BAZ2B: variants seen among roughly 807,000 people sequenced by gnomAD.
BAZ2B encodes the protein bromodomain adjacent to zinc finger domain 2B.
Under a neutral mutation model 246.0 loss-of-function variants are expected in BAZ2B, and 91 were observed. That is an observed-to-expected ratio of 0.37 (90% CI 0.31 to 0.44). BAZ2B has a LOEUF of 0.44. Ranked by LOEUF, BAZ2B falls within the 20% of genes least tolerant of loss-of-function variation. The pLI is 1.00. For missense variants in BAZ2B, 2,332 were observed against 2,533.7 expected, an observed-to-expected ratio of 0.92 and a Z score of 1.71; for synonymous variants, 855 against 860.0, an observed-to-expected ratio of 0.99 and a Z score of 0.10.
chr2:159,365,324 C>T (rs981074949), intron 27 of BAZ2B, among the ~76,000 whole-genome samples: 22 of 152,142 alleles, frequency 1.4e-4, no homozygotes, highest in Non-Finnish European at 2.4e-4. Context: ...TTGTCTGGTC[C>T]GGGTGACCTC....
intron 2 of BAZ2B, among the ~76,000 whole-genome samples, chr2:159,555,207 T>G (rs991518455): frequency 6.6e-6 from 1 of 151,760 alleles, no homozygotes; most frequent in Non-Finnish European, 1.5e-5. Context: ...TTCTCCTGCT[T>G]CAGCCTCCCG....
At chr2:159,535,822 G>C (rs1054338289) in intron 2 of BAZ2B, among the ~76,000 whole-genome samples, 1 of 152,152 alleles carries the variant, frequency 6.6e-6, no homozygotes, top group African/African-American at 2.4e-5. Flanking sequence ...ATCCATGTTA[G>C]AAAATGGTCT....
chr2:159,383,354 C>T (rs1302996714), intron 24 of BAZ2B, among the ~76,000 whole-genome samples: 1 of 152,052 alleles, frequency 6.6e-6, no homozygotes, highest in Non-Finnish European at 1.5e-5. Flanking sequence ...AATTGCTTGA[C>T]TTGTTTAAAA....
intron 27 of BAZ2B, among the ~76,000 whole-genome samples, chr2:159,360,334 T>C (rs1371543278): frequency 6.6e-6 from 1 of 152,158 alleles, no homozygotes; most frequent in African/African-American, 2.4e-5. Flanking sequence ...AGCCAAATCA[T>C]GAGTGAACTC....
At chr2:159,354,456 T>G (rs2058877612) in intron 27 of BAZ2B, among the ~76,000 whole-genome samples, 1 of 152,132 alleles carries the variant, frequency 6.6e-6, no homozygotes, top group South Asian at 2.1e-4. Flanking sequence ...GTTCAACTGA[T>G]TCTCCTGCCT....
At chr2:159,572,913 A>G (rs1684377175) in intron 1 of BAZ2B, among the ~76,000 whole-genome samples, 1 of 152,166 alleles carries the variant, frequency 6.6e-6, no homozygotes. Context: ...GAGAATGAGG[A>G]TTGTGTTTAA....
chr2:159,645,165 G>T, the BAZ2B span, among the ~76,000 whole-genome samples: 2 of 152,096 alleles, frequency 1.3e-5, no homozygotes, highest in African/African-American at 4.8e-5. Context: ...TCAGCTACTC[G>T]GGAGGCTGAG....
Position 159,413,988 on chromosome 2 carries a change from C to T in BAZ2B, c.2467-1443G>A, listed in dbSNP as rs111986554. Among the ~76,000 whole-genome samples, 375 of 152,204 alleles carry T rather than the reference C, an allele frequency of 2.5e-3. 1 individual carries two copies. The highest frequency in any genetic ancestry group is 8.4e-3 in the African/African-American group (347 of 41,534). On this transcript the variant is annotated intron_variant, in intron 13 of 36. Transcript: ENST00000392783. ...CCCATGTTTGCTGCAGCACTGTTCA[C>T]AATAGCCAAGATTTAGAGGTAACCC...
the BAZ2B span, among the ~76,000 whole-genome samples, chr2:159,701,129 T>A: frequency 3.3e-5 from 5 of 152,172 alleles, no homozygotes; most frequent in Admixed American, 1.3e-4. Context: ...CAGAATAAAA[T>A]GTATTTCTAA....
At position 159,481,226 on chromosome 2, in the gene BAZ2B, A is replaced by G. The variant is rs899334222; in HGVS notation, c.-2-2505T>C. ...TTTACTATCATCCCCTCTAAAGCAC[A>G]AGAAATCCTGGCCATCAACTTGATA... On this transcript the variant is annotated intron_variant, in intron 2 of 36. Transcript: ENST00000392783. 4.6e-5 allele frequency among the ~76,000 whole-genome samples: 7 copies of G among 152,146 alleles called. No individual in the cohort carries two copies. In the South Asian group the frequency reaches 1.2e-3, roughly 27 times the overall value.
chr2:159,658,397 A>G, the BAZ2B span, among the ~76,000 whole-genome samples: 1 of 152,202 alleles, frequency 6.6e-6, no homozygotes, highest in Non-Finnish European at 1.5e-5. Context: ...GCAGTGGCAC[A>G]GTCATGGTTC....
chr2:159,431,424 G>T (rs2071090269), intron 9 of BAZ2B, among the ~76,000 whole-genome samples: 1 of 152,078 alleles, frequency 6.6e-6, no homozygotes, highest in Admixed American at 6.5e-5. Context: ...CTGCTTAATG[G>T]CATCAAAATA....
Position 159,542,150 on chromosome 2 carries a change from A to G in BAZ2B, c.-3+13673T>C, listed in dbSNP as rs1157992671. 2.0e-5 allele frequency among the ~76,000 whole-genome samples: 3 copies of G among 152,250 alleles called. No individual in the cohort carries two copies. The East Asian group carries it at 5.8e-4, about 29-fold the overall frequency. ...TCAGTCTAAGGAACAGGAAGAAAAC[A>G]GAATGAACAAAAGTGAACAGAGCCT... On this transcript the variant is annotated intron_variant, in intron 2 of 36. Coordinates refer to ENST00000392783, the MANE Select transcript of BAZ2B (RefSeq NM_013450.4).
At chr2:159,381,521 C>T (rs550830805) in intron 25 of BAZ2B, among the ~76,000 whole-genome samples, 5 of 152,230 alleles carry the variant, frequency 3.3e-5, no homozygotes, top group African/African-American at 9.6e-5. Flanking sequence ...ATTCTTCCTC[C>T]TAAATATTTA....
chr2:159,574,806 T>C (rs534372490), intron 1 of BAZ2B, among the ~76,000 whole-genome samples: 3 of 151,746 alleles, frequency 2.0e-5, no homozygotes, highest in South Asian at 4.2e-4. Flanking sequence ...CCCATCTCTA[T>C]TAAAAATACA....
chr2:159,384,823 T>A (rs970051543), intron 23 of BAZ2B, among the ~76,000 whole-genome samples: 7 of 152,138 alleles, frequency 4.6e-5, no homozygotes, highest in African/African-American at 1.7e-4. Context: ...AATTCTGTAT[T>A]CTTGTGGTGG....
intron 2 of BAZ2B, among the ~76,000 whole-genome samples, chr2:159,522,120 A>G (rs1333679812): frequency 6.6e-6 from 1 of 152,080 alleles, no homozygotes; most frequent in Non-Finnish European, 1.5e-5. Flanking sequence ...TTGATTACCA[A>G]TTAATATTTT....
chr2:159,570,645 AC>A, intron 1 of BAZ2B, among the ~76,000 whole-genome samples: 1 of 123,636 alleles, frequency 8.1e-6, no homozygotes, highest in Non-Finnish European at 1.7e-5. Context: ...CACATTTTTC[AC>A]CCTTTCTCTG....
At chr2:159,604,139 G>A (rs1222112963) in intron 1 of BAZ2B, among the ~76,000 whole-genome samples, 2 of 152,120 alleles carry the variant, frequency 1.3e-5, no homozygotes, top group African/African-American at 4.8e-5. Context: ...TAAGTAACTG[G>A]CAAGTTGTAC....
Sources: allele counts gnomAD v4.1 joint callset (sites outside exome capture counted in the v4.1 genomes callset), GRCh38; gene constraint gnomAD v4.1.1; transcripts MANE v1.5; gene names NCBI Gene and HGNC (gene_info 2026-07-23, HGNC 2026-07-21).